USP25: variants seen among roughly 807,000 people sequenced by gnomAD.
USP25 encodes ubiquitin specific peptidase 25, also known as ubiquitin carboxyl-terminal hydrolase 25.
In USP25, 85 loss-of-function variants were observed where a neutral mutation model predicts 158.5. That is an observed-to-expected ratio of 0.54 (90% CI 0.45 to 0.64). USP25 has a LOEUF of 0.64. USP25 is among the 30% of genes least tolerant of loss of function. The probability of loss-of-function intolerance (pLI) is 0.00; values close to 1 mark genes in which losing one functional copy is unlikely to be tolerated. For missense variants in USP25, 1,242 were observed against 1,327.3 expected (o/e 0.94, Z 1.00); for synonymous variants, 464 against 460.4 (o/e 1.01, Z -0.10).
At chr21:15,848,745 C>A (rs895233411) in intron 19 of USP25, among the ~76,000 whole-genome samples, 1 of 151,920 alleles carries the variant, frequency 6.6e-6, no homozygotes, top group African/African-American at 2.4e-5. Context: ...AAATCACACG[C>A]CATAAAGAGA....
At position 15,795,976 on chromosome 21, in the gene USP25, C is replaced by G. The variant is rs547425955; in HGVS notation, c.556-3781C>G. Among the ~76,000 whole-genome samples the G allele has an allele frequency of 3.3e-5, 5 of 151,590 alleles. 1 individual carries two copies. Among genetic ancestry groups the G allele is most frequent in the African/African-American group, 1.2e-4 (5 of 41,458 alleles). On this transcript the variant is annotated intron_variant, in intron 5 of 25. Coordinates refer to ENST00000400183, the MANE Select transcript of USP25 (RefSeq NM_001283041.3). The stretch of plus-strand genomic sequence containing the variant: ...CATTTCCTCTGCACTCTTGCCATCA[C>G]TTCTTTCTTTTTCACAAATTATTTG...
chr21:15,873,819 C>T (rs2039991861), intron 23 of USP25, among the ~76,000 whole-genome samples: 1 of 152,050 alleles, frequency 6.6e-6, no homozygotes, highest in African/African-American at 2.4e-5. Context: ...TGTTTGCAGG[C>T]TTTTTGTTTT....
intron 2 of USP25, among the ~76,000 whole-genome samples, chr21:15,765,213 G>C (rs1301161725): frequency 1.3e-5 from 2 of 152,048 alleles, no homozygotes; most frequent in Non-Finnish European, 2.9e-5. Context: ...GGTTTCCTAT[G>C]TTGTTTTGGT....
At position 15,868,169 on chromosome 21, in the gene USP25, T is replaced by C. The variant is rs185338551; in HGVS notation, c.2805+1825T>C. On this transcript the variant is annotated intron_variant, in intron 22 of 25. Transcript: ENST00000400183. Reference sequence around the variant, plus strand: ...AAAATTCATTTCAATTGTGAAAGACTCCTGTGTAAAGCTGTTTAGAAGTCA... The same window carrying C: ...AAAATTCATTTCAATTGTGAAAGACCCCTGTGTAAAGCTGTTTAGAAGTCA... Among the ~76,000 whole-genome samples, 219 of 152,282 alleles carry C rather than the reference T, an allele frequency of 1.4e-3. 1 individual carries two copies. Among genetic ancestry groups the C allele is most frequent in the Non-Finnish European group, 1.6e-3 (107 of 68,022 alleles).
chr21:15,751,755 C>T (rs2033030422), intron 1 of USP25, among the ~76,000 whole-genome samples: 1 of 152,056 alleles, frequency 6.6e-6, no homozygotes, highest in East Asian at 1.9e-4. Flanking sequence ...ATACATGTTC[C>T]CATAGAAACC....
At chr21:15,789,917 C>T (rs143589495) in intron 4 of USP25, among the ~76,000 whole-genome samples, 2 of 152,054 alleles carry the variant, frequency 1.3e-5, no homozygotes, top group Admixed American at 6.6e-5. Context: ...GTGCATTAAC[C>T]TTTCTTTTTT....
intron 1 of USP25, among the ~76,000 whole-genome samples, chr21:15,756,110 AGTCT>A (rs1221741646): frequency 2.6e-5 from 4 of 152,142 alleles, no homozygotes; most frequent in Non-Finnish European, 4.4e-5. Context: ...ATAGGTGAAA[AGTCT>A]GTCTGGGTAT....
intron 1 of USP25, among the ~76,000 whole-genome samples, chr21:15,740,829 G>A (rs2823468): frequency 0.1 from 15,519 of 151,216 alleles, 1,029 homozygotes; most frequent in Admixed American, 0.15. Flanking sequence ...TTATTGTCCT[G>A]GAAATTTCCT....
At chr21:15,819,187 A>G (rs1322698009) in intron 10 of USP25, among the ~76,000 whole-genome samples, 3 of 152,216 alleles carry the variant, frequency 2.0e-5, no homozygotes, top group African/African-American at 7.2e-5. Context: ...GTGGATTTTA[A>G]AACAGATATA....
intron 4 of USP25, among the ~76,000 whole-genome samples, chr21:15,787,843 A>G (rs16989715): frequency 6.6e-6 from 1 of 151,158 alleles, no homozygotes; most frequent in South Asian, 2.1e-4. Context: ...GGATATTTTC[A>G]GTATTACTGC....
chr21:15,809,295 T>C (rs2036539994), intron 8 of USP25, among the ~76,000 whole-genome samples: 1 of 152,162 alleles, frequency 6.6e-6, no homozygotes, highest in Non-Finnish European at 1.5e-5. Context: ...CACCTAGGTT[T>C]CTGGGATCTT....
chr21:15,823,208 G>C (rs1034819682), intron 10 of USP25, among the ~76,000 whole-genome samples: 2 of 151,966 alleles, frequency 1.3e-5, no homozygotes, highest in Non-Finnish European at 2.9e-5. Flanking sequence ...TTATACTTCT[G>C]TTCTTTGTTG....
intron 3 of USP25, among the ~76,000 whole-genome samples, chr21:15,767,399 T>C (rs2034103350): frequency 6.6e-6 from 1 of 152,116 alleles, no homozygotes; most frequent in African/African-American, 2.4e-5. Context: ...TAGGACCAAG[T>C]GTTTCTCCAG....
intron 1 of USP25, among the ~76,000 whole-genome samples, chr21:15,745,401 G>A (rs1039863185): frequency 1.3e-5 from 2 of 150,010 alleles, no homozygotes; most frequent in South Asian, 4.2e-4. Flanking sequence ...TGAAGTTGAA[G>A]TATTTTAATA....
In USP25 at chr21:15,817,801, C is replaced by T. The variant is rs552723714; in HGVS notation, c.932-897C>T. On this transcript the variant is annotated intron_variant, in intron 9 of 25. Transcript: ENST00000400183. ...GAAACCGCCCCCATGATTGAATTAT[C>T]TCCTGCTGAATCCCTCCCACAATAC... is the stretch of plus-strand genomic sequence containing the variant. Among the ~76,000 whole-genome samples the T allele has an allele frequency of 9.2e-5, 14 of 152,268 alleles. No individual in the cohort carries two copies. In the East Asian group the frequency reaches 2.7e-3, roughly 29 times the overall value.
intron 5 of USP25, among the ~76,000 whole-genome samples, chr21:15,799,296 G>T (rs1212888174): frequency 2.6e-5 from 4 of 151,026 alleles, no homozygotes; most frequent in Non-Finnish European, 4.5e-5. Context: ...TCTAAATTGT[G>T]TACTTCCTTG....
At chr21:15,801,538 A>T (rs2036134983) in intron 6 of USP25, among the ~76,000 whole-genome samples, 2 of 151,738 alleles carry the variant, frequency 1.3e-5, no homozygotes, top group South Asian at 2.1e-4. Context: ...TACACACTAT[A>T]CCTTGACATC....
chr21:15,850,269 T>A (rs2038824927), intron 20 of USP25, among the ~76,000 whole-genome samples: 1 of 152,064 alleles, frequency 6.6e-6, no homozygotes, highest in South Asian at 2.1e-4. Context: ...TATTCTTTAA[T>A]TTTATTATCA....
At chr21:15,738,678 G>A (rs147124337) in intron 1 of USP25, among the ~76,000 whole-genome samples, 31 of 152,218 alleles carry the variant, frequency 2.0e-4, no homozygotes, top group African/African-American at 6.3e-4. Flanking sequence ...ATATCATTAA[G>A]GGAGGAGACC....
Sources: allele counts gnomAD v4.1 joint callset (sites outside exome capture counted in the v4.1 genomes callset), GRCh38; gene constraint gnomAD v4.1.1; transcripts MANE v1.5; gene names NCBI Gene and HGNC (gene_info 2026-07-23, HGNC 2026-07-21).